VAV3: variants seen among roughly 807,000 people sequenced by gnomAD.
VAV3 encodes vav guanine nucleotide exchange factor 3.
Under a neutral mutation model 131.2 loss-of-function variants are expected in VAV3, and 94 were observed. That is an observed-to-expected ratio of 0.72 (90% CI 0.61 to 0.85). The LOEUF is 0.85. Ranked by LOEUF, VAV3 falls within the 40% of genes least tolerant of loss-of-function variation. VAV3 has a pLI of 0.00. For missense variants in VAV3, 939 were observed against 1,002.7 expected (o/e 0.94, Z 0.86); for synonymous variants, 349 against 342.0 (o/e 1.02, Z -0.22).
chr1:107,902,816 C>G (rs563845272), intron 1 of VAV3, among the ~76,000 whole-genome samples: 1 of 152,110 alleles, frequency 6.6e-6, no homozygotes, highest in Non-Finnish European at 1.5e-5. Flanking sequence ...TTTGTGCAGT[C>G]TCTTGATATA....
intron 4 of VAV3, among the ~76,000 whole-genome samples, chr1:107,773,266 G>A (rs147553617): frequency 1.4e-4 from 21 of 152,236 alleles, no homozygotes; most frequent in Admixed American, 3.9e-4. Context: ...CTGTCTTAAC[G>A]CTGAGTGTTT....
chr1:107,661,920 T>C (rs1657050278), intron 19 of VAV3, among the ~76,000 whole-genome samples: 1 of 152,212 alleles, frequency 6.6e-6, no homozygotes, highest in South Asian at 2.1e-4. Flanking sequence ...GAAAATTAAG[T>C]TGGTATTACA....
chr1:107,742,869 G>A (rs1663105315), intron 15 of VAV3, among the ~76,000 whole-genome samples: 1 of 152,192 alleles, frequency 6.6e-6, no homozygotes, highest in Admixed American at 6.5e-5. Context: ...ACAATTGTGA[G>A]AGAATATAGA....
chr1:107,891,095 G>T (rs1239240919), intron 1 of VAV3, among the ~76,000 whole-genome samples: 1 of 151,584 alleles, frequency 6.6e-6, no homozygotes, highest in Non-Finnish European at 1.5e-5. Context: ...TCCACAGATG[G>T]TCCTGGTTCA....
intron 1 of VAV3, among the ~76,000 whole-genome samples, chr1:107,952,268 A>G (rs1463232827): frequency 6.6e-6 from 1 of 151,804 alleles, no homozygotes; most frequent in African/African-American, 2.4e-5. Context: ...ATGAGATCAC[A>G]TGGGCACACG....
intron 19 of VAV3, 24 bp downstream of exon 19, chr1:107,683,464 T>C (rs1045240045): frequency 5.6e-6 from 9 of 1,613,530 alleles, no homozygotes; most frequent in South Asian, 2.2e-5. Context: ...GCCATAATTA[T>C]GGAAGGTTTA....
intron 17 of VAV3, among the ~76,000 whole-genome samples, chr1:107,703,705 T>C (rs542820110): frequency 6.6e-6 from 1 of 152,246 alleles, no homozygotes; most frequent in Non-Finnish European, 1.5e-5. Context: ...ATGTCCACCT[T>C]TTCCTTTGGG....
At chr1:107,668,314 T>C (rs781367150) in intron 19 of VAV3, among the ~76,000 whole-genome samples, 4 of 152,244 alleles carry the variant, frequency 2.6e-5, no homozygotes, top group Non-Finnish European at 5.9e-5. Flanking sequence ...CTTCTAGTTA[T>C]GGAAACACAT....
chr1:107,687,180 C>T (rs1659090718), intron 18 of VAV3, among the ~76,000 whole-genome samples: 1 of 151,928 alleles, frequency 6.6e-6, no homozygotes. Context: ...AAAAAAATCA[C>T]CTTGTTATGC....
At chr1:107,580,903 A>T (rs1649996418) in intron 25 of VAV3, among the ~76,000 whole-genome samples, 1 of 152,110 alleles carries the variant, frequency 6.6e-6, no homozygotes, top group Non-Finnish European at 1.5e-5. Context: ...TCATCATCAA[A>T]CTCCTCCTAC....
chr1:107,738,959 T>TA (rs1235631641), intron 15 of VAV3, among the ~76,000 whole-genome samples: 1 of 152,196 alleles, frequency 6.6e-6, no homozygotes, highest in African/African-American at 2.4e-5. Context: ...ATTGTTCATT[T>TA]AAAAAGAAAA....
intron 1 of VAV3, among the ~76,000 whole-genome samples, chr1:107,885,899 T>C (rs1023035696): frequency 6.6e-6 from 1 of 152,148 alleles, no homozygotes; most frequent in Non-Finnish European, 1.5e-5. Flanking sequence ...CTGAAGGGGA[T>C]GATAATCTTG....
intron 24 of VAV3, among the ~76,000 whole-genome samples, chr1:107,598,801 T>TACACACACACACAC (rs35317053): frequency 0.016 from 2,473 of 149,934 alleles, 27 homozygotes; most frequent in East Asian, 0.038. Context: ...GTCTCTGGAA[T>TACACACACACACAC]ACACACACAC....
At chr1:107,927,046 C>T (rs1159861105) in intron 1 of VAV3, among the ~76,000 whole-genome samples, 1 of 152,176 alleles carries the variant, frequency 6.6e-6, no homozygotes, top group African/African-American at 2.4e-5. Context: ...GAATCCTTCC[C>T]TTTGCTTCAG....
At chr1:107,932,072 G>A (rs1160871949) in intron 1 of VAV3, among the ~76,000 whole-genome samples, 1 of 152,206 alleles carries the variant, frequency 6.6e-6, no homozygotes, top group Non-Finnish European at 1.5e-5. Flanking sequence ...ACACTGCACT[G>A]GGCATTCCTG....
intron 2 of VAV3, among the ~76,000 whole-genome samples, chr1:107,811,106 C>A (rs17020105): frequency 0.15 from 23,001 of 152,078 alleles, 2,011 homozygotes; most frequent in East Asian, 0.29. Flanking sequence ...CTAAAACAGA[C>A]ACAGAAGGCA....
At chr1:107,633,822 C>T (rs1017684849) in intron 20 of VAV3, among the ~76,000 whole-genome samples, 1 of 152,054 alleles carries the variant, frequency 6.6e-6, no homozygotes, top group Non-Finnish European at 1.5e-5. Context: ...AAGAGGTCAA[C>T]GTGCAGAAAG....
intron 20 of VAV3, among the ~76,000 whole-genome samples, chr1:107,640,371 A>G (rs1655254802): frequency 1.3e-5 from 2 of 152,184 alleles, no homozygotes. Flanking sequence ...ACAAAAAACA[A>G]TATATGCTAT....
At chr1:107,879,344 A>C (rs1395482065) in intron 1 of VAV3, among the ~76,000 whole-genome samples, 1 of 152,228 alleles carries the variant, frequency 6.6e-6, no homozygotes, top group Non-Finnish European at 1.5e-5. Flanking sequence ...TATCACTTGC[A>C]ACAGAACGGC....
Sources: gnomAD v4.1 joint callset for allele counts (sites outside exome capture counted in the v4.1 genomes callset) on GRCh38, gnomAD v4.1.1 for gene constraint, MANE v1.5 for transcripts, NCBI Gene and HGNC (gene_info 2026-07-23, HGNC 2026-07-21) for gene names.